The following PCDHGB5 variants were observed in gnomAD, a reference collection of about 807,000 sequenced individuals.
PCDHGB5 encodes protocadherin gamma-B5.
A neutral mutation model predicts 62.9 loss-of-function variants in PCDHGB5; 48 were observed. The ratio of observed to expected loss-of-function variants is 0.76; its 90% CI spans 0.61 to 0.97. PCDHGB5 has a LOEUF of 0.97. Among genes scored for constraint, PCDHGB5 ranks in the 50% least tolerant of loss-of-function variants. PCDHGB5 has a pLI of 0.00. For missense variants in PCDHGB5, 1,118 were observed against 1,198.6 expected, an observed-to-expected ratio of 0.93 and a Z score of 0.99; for synonymous variants, 474 against 511.2, an observed-to-expected ratio of 0.93 and a Z score of 0.98.
chr5:141,415,896 AC>A, intron 1 of PCDHGB5: 1 of 882,726 alleles, frequency 1.1e-6, no homozygotes, highest in East Asian at 3.3e-5. Flanking sequence ...AATTCCTAAG[AC>A]AGACTTCCAT....
chr5:141,470,035 G>A lies in PCDHGB5; in HGVS notation c.2398-24772G>A, dbSNP rs761812438. ...TCCCAGCTACTCGGGATGCTGAGGC[G>A]CGAGAACTGTTTGAACCCCGGAGGC... On this transcript the variant is annotated intron_variant, in intron 1 of 3. Transcript: ENST00000617380. Among the ~76,000 whole-genome samples, 97 of 152,224 alleles carry A rather than the reference G, an allele frequency of 6.4e-4. 2 individuals carry two copies. Among genetic ancestry groups the A allele is most frequent in the East Asian group, 1.2e-3 (6 of 5,170 alleles).
chr5:141,419,332 C>A, intron 1 of PCDHGB5: 1 of 1,613,950 alleles, frequency 6.2e-7, no homozygotes, highest in South Asian at 1.1e-5. Context: ...CCTACTCTCT[C>A]ATTGCCAGCG....
chr5:141,438,288 G>C (rs752722248), intron 1 of PCDHGB5, among the ~76,000 whole-genome samples: 18 of 151,902 alleles, frequency 1.2e-4, no homozygotes, highest in Non-Finnish European at 2.1e-4. Flanking sequence ...AATTTAATCT[G>C]TATGTAAAAG....
intron 1 of PCDHGB5, among the ~76,000 whole-genome samples, chr5:141,457,863 C>A (rs2098930968): frequency 6.6e-6 from 1 of 152,194 alleles, no homozygotes; most frequent in Non-Finnish European, 1.5e-5. Flanking sequence ...TCTTCACTGA[C>A]CACAGGTTAG....
At position 141,489,748 on chromosome 5, in the gene PCDHGB5, T is replaced by C. The variant is rs763688648; in HGVS notation, c.2398-5059T>C. On this transcript the variant is annotated intron_variant, in intron 1 of 3. Transcript: ENST00000617380. The surrounding 1 kb of genome is among the most constrained non-coding windows in gnomAD (Gnocchi z 4.5). ...TGTGGGCACCAATACTGTGAGCTTT[T>C]ACACTCTAAGCCCCAACAGCCACTT... is the stretch of plus-strand genomic sequence containing the variant. The C allele has an allele frequency of 1.8e-5, 29 of 1,614,038 alleles. No homozygotes were observed. Among genetic ancestry groups the C allele is most frequent in the Non-Finnish European group, 1.6e-5 (19 of 1,180,010 alleles).
At chr5:141,422,420 C>A in intron 1 of PCDHGB5, 2 of 1,607,576 alleles carry the variant, frequency 1.2e-6, no homozygotes, top group Non-Finnish European at 1.7e-6. Context: ...TTAGAAAAGA[C>A]TTATGGAAAT....
intron 1 of PCDHGB5, chr5:141,433,049 C>A (rs1418118305): frequency 6.2e-7 from 1 of 1,614,110 alleles, no homozygotes; most frequent in Admixed American, 1.7e-5. Flanking sequence ...CACGGACTCG[C>A]GGAAGAGTCA....
intron 1 of PCDHGB5, among the ~76,000 whole-genome samples, chr5:141,480,895 A>G (rs1275670492): frequency 6.6e-6 from 1 of 152,048 alleles, no homozygotes; most frequent in African/African-American, 2.4e-5. Flanking sequence ...AAATGCAAAC[A>G]TTAGCTGGGC....
chr5:141,507,495 G>T (rs375483743), intron 3 of PCDHGB5, among the ~76,000 whole-genome samples: 2 of 152,234 alleles, frequency 1.3e-5, no homozygotes, highest in Non-Finnish European at 2.9e-5. Context: ...AGGCAGAGCT[G>T]TCCCAGGTCT....
Position 141,490,850 on chromosome 5 carries a change from G to A in PCDHGB5, c.2398-3957G>A, listed in dbSNP as rs374508743. The A allele has an allele frequency of 7.2e-5, 116 of 1,613,706 alleles. No homozygotes were observed. The highest frequency in any genetic ancestry group is 9.5e-5 in the Non-Finnish European group (112 of 1,179,902). ...ATGCTGCAGATTGTGGTGGGGGTTC[G>A]AGACTCCGGCTCTCCCCCATTGCAT... On this transcript the variant is annotated intron_variant, in intron 1 of 3. Transcript: ENST00000617380. This position sits in a 1 kb window ranked among gnomAD's most constrained non-coding sequence, Gnocchi z 5.4.
rs1421124374 is a variant in PCDHGB5, at chr5:141,431,186, A to G, written c.2397+30662A>G. The G allele has an allele frequency of 1.9e-6, 3 of 1,614,110 alleles. No individual in the cohort carries two copies. ...TGAAAGTGAATTAGAAATAAAAATT[A>G]GTGAAAATGCAGCCACTGAGATGCG... On this transcript the variant is annotated intron_variant, in intron 1 of 3. Transcript: ENST00000617380. This position sits in a 1 kb window ranked among gnomAD's most constrained non-coding sequence, Gnocchi z 4.8.
intron 1 of PCDHGB5, chr5:141,419,582 T>A (rs1474193256): frequency 6.2e-7 from 1 of 1,611,894 alleles, no homozygotes. Context: ...CTCCGCGCTC[T>A]TCGACACAGT....
chr5:141,412,416 G>A (rs897228706), intron 1 of PCDHGB5: 1 of 152,162 alleles, frequency 6.6e-6, no homozygotes, highest in Non-Finnish European at 1.5e-5. Flanking sequence ...GATAAAGTAT[G>A]TTTTACACAA....
At chr5:141,456,984 C>T (rs374156327) in intron 1 of PCDHGB5, among the ~76,000 whole-genome samples, 1 of 152,082 alleles carries the variant, frequency 6.6e-6, no homozygotes, top group Admixed American at 6.6e-5. Flanking sequence ...AACAAACAAA[C>T]AAACAAAAAC....
chr5:141,452,678 C>T (rs1311364057), intron 1 of PCDHGB5, among the ~76,000 whole-genome samples: 1 of 150,100 alleles, frequency 6.7e-6, no homozygotes, highest in African/African-American at 2.5e-5. Flanking sequence ...GCCTAGGCCA[C>T]AGAATGAAAC....
chr5:141,456,824 G>A (rs2098890304), intron 1 of PCDHGB5, among the ~76,000 whole-genome samples: 2 of 152,170 alleles, frequency 1.3e-5, no homozygotes, highest in South Asian at 2.1e-4. Context: ...ATTAGCCATC[G>A]TGGTAGTGGG....
chr5:141,485,093 T>C lies in PCDHGB5; in HGVS notation c.2398-9714T>C. 1 of 1,076,296 alleles carries C rather than the reference T, an allele frequency of 9.3e-7. No homozygotes were observed. Among genetic ancestry groups the C allele is most frequent in the Non-Finnish European group, 1.4e-6 (1 of 718,118 alleles). 66.7% of individuals were successfully genotyped at this position (1,076,296 alleles called of 1,614,324 possible). ...TGGCGCGGGGAAAGGGAGATAGGTG[T>C]CTCCAGCTGCTGTGGCTGTTTGGGG... On this transcript the variant is annotated intron_variant, in intron 1 of 3. Coordinates refer to ENST00000617380, the MANE Select transcript of PCDHGB5 (RefSeq NM_018925.3). The surrounding 1 kb of genome is among the most constrained non-coding windows in gnomAD (Gnocchi z 5.7).
At position 141,423,043 on chromosome 5, in the gene PCDHGB5, T is replaced by C. The variant is rs940921497; in HGVS notation, c.2397+22519T>C. 10 of 1,614,058 alleles carry C rather than the reference T, an allele frequency of 6.2e-6. No homozygotes were observed. The Admixed American group carries it at 1.5e-4, about 24-fold the overall frequency. ...AGATTCAGGCCAGAACGCCTGGCTG[T>C]CCTATCGCCTGCTTAAGGCCAGCGA... is the stretch of plus-strand genomic sequence containing the variant. On this transcript the variant is annotated intron_variant, in intron 1 of 3. Transcript: ENST00000617380.
intron 1 of PCDHGB5, chr5:141,404,901 G>A: frequency 6.2e-7 from 1 of 1,613,848 alleles, no homozygotes; most frequent in African/African-American, 1.3e-5. Flanking sequence ...CAGGACCATG[G>A]CCAGCCCCCT....
Sources: gnomAD v4.1 joint callset for allele counts (sites outside exome capture counted in the v4.1 genomes callset) on GRCh38, gnomAD v4.1.1 for gene constraint, Gnocchi (gnomAD v3.1) non-coding constraint, MANE v1.5 for transcripts, NCBI Gene and HGNC (gene_info 2026-07-23, HGNC 2026-07-21) for gene names.